Variants in NTRK2 observed in about 807,000 individuals in gnomAD.
The protein encoded by NTRK2 is BDNF/NT-3 growth factors receptor.
A neutral mutation model predicts 94.5 loss-of-function variants in NTRK2; 13 were observed. That is an observed-to-expected ratio of 0.14 (90% CI 0.09 to 0.22). The LOEUF (loss-of-function observed/expected upper bound fraction) is 0.22. Among genes scored for constraint, NTRK2 ranks in the 10% least tolerant of loss-of-function variants. NTRK2 has a pLI of 1.00. For missense variants in NTRK2, 639 were observed against 1,071.2 expected, an observed-to-expected ratio of 0.60 and a Z score of 5.63; for synonymous variants, 372 against 407.4, an observed-to-expected ratio of 0.91 and a Z score of 1.05.
At chr9:84,797,792 A>G (rs1220375687) in intron 12 of NTRK2, among the ~76,000 whole-genome samples, 1 of 76,924 alleles carries the variant, frequency 1.3e-5, no homozygotes, top group African/African-American at 5.1e-5. Flanking sequence ...TATTATATAT[A>G]CTATAATAAT....
chr9:84,962,928 A>G (rs1825125721), intron 17 of NTRK2, among the ~76,000 whole-genome samples: 1 of 152,242 alleles, frequency 6.6e-6, no homozygotes. Context: ...ATGCTACTAA[A>G]GGTGGCTAAG....
At chr9:84,957,239 C>G (rs1824252606) in intron 17 of NTRK2, among the ~76,000 whole-genome samples, 1 of 152,134 alleles carries the variant, frequency 6.6e-6, no homozygotes, top group Non-Finnish European at 1.5e-5. Context: ...GTTCAACGTG[C>G]CTGGCACAAA....
intron 12 of NTRK2, among the ~76,000 whole-genome samples, chr9:84,856,437 G>T (rs1181130397): frequency 6.6e-6 from 1 of 152,206 alleles, no homozygotes; most frequent in African/African-American, 2.4e-5. Context: ...TTATGTGCCA[G>T]TAGGAAAGGG....
intron 2 of NTRK2, among the ~76,000 whole-genome samples, chr9:84,678,082 C>T (rs1208828806): frequency 2.0e-5 from 3 of 152,208 alleles, no homozygotes; most frequent in South Asian, 2.1e-4. Context: ...ATGTGTGTAC[C>T]GTGTTTTCAT....
chr9:84,687,392 T>G (rs2059782897), intron 2 of NTRK2, among the ~76,000 whole-genome samples: 1 of 152,244 alleles, frequency 6.6e-6, no homozygotes, highest in Non-Finnish European at 1.5e-5. Context: ...TATTTTTGTT[T>G]GTTGGAGATC....
chr9:85,011,295 G>A (rs905841169), intron 17 of NTRK2, among the ~76,000 whole-genome samples: 5 of 152,118 alleles, frequency 3.3e-5, no homozygotes, highest in Admixed American at 6.5e-5. Context: ...CCACCTCCTA[G>A]TATTCAGAGC....
intron 14 of NTRK2, among the ~76,000 whole-genome samples, chr9:84,927,492 G>A (rs1480225847): frequency 6.6e-6 from 1 of 151,988 alleles, no homozygotes; most frequent in Non-Finnish European, 1.5e-5. Flanking sequence ...AAATGCTGAG[G>A]CACTTTTAGT....
At chr9:84,788,879 A>G (rs1434484313) in intron 12 of NTRK2, among the ~76,000 whole-genome samples, 1 of 152,130 alleles carries the variant, frequency 6.6e-6, no homozygotes, top group Non-Finnish European at 1.5e-5. Flanking sequence ...AGGAATTAGA[A>G]CACAGCCCAC....
At chr9:84,864,673 G>A (rs2075495147) in intron 13 of NTRK2, among the ~76,000 whole-genome samples, 1 of 151,478 alleles carries the variant, frequency 6.6e-6, no homozygotes, top group East Asian at 1.9e-4. Flanking sequence ...AAGGAAGGGA[G>A]TCAGTGGTGA....
intron 12 of NTRK2, among the ~76,000 whole-genome samples, chr9:84,834,805 G>A (rs2073776151): frequency 1.3e-5 from 2 of 152,164 alleles, no homozygotes; most frequent in African/African-American, 4.8e-5. Flanking sequence ...TAGCTTAGCA[G>A]GGCTGCCTGC....
At chr9:84,936,860 A>T (rs2078229881) in intron 15 of NTRK2, among the ~76,000 whole-genome samples, 1 of 147,698 alleles carries the variant, frequency 6.8e-6, no homozygotes, top group African/African-American at 2.5e-5. Flanking sequence ...TTACATGTGA[A>T]TTTTTTTTTT....
chr9:84,864,504 A>G (rs993716948), intron 13 of NTRK2, among the ~76,000 whole-genome samples: 1 of 152,194 alleles, frequency 6.6e-6, no homozygotes, highest in Non-Finnish European at 1.5e-5. Flanking sequence ...ATTGAAATAA[A>G]AAGAAATTTT....
intron 12 of NTRK2, among the ~76,000 whole-genome samples, chr9:84,843,409 C>T (rs536259938): frequency 2.0e-5 from 3 of 152,318 alleles, no homozygotes; most frequent in African/African-American, 7.2e-5. Context: ...CACTTTCCTT[C>T]CGTTAGAGGT....
At chr9:84,778,772 GGT>G (rs1255439104) in intron 12 of NTRK2, among the ~76,000 whole-genome samples, 7 of 152,226 alleles carry the variant, frequency 4.6e-5, no homozygotes, top group African/African-American at 1.7e-4. Context: ...AGTTCCCGCT[GGT>G]GGACTGTGCC....
At chr9:84,912,304 T>A (rs78805142) in intron 14 of NTRK2, among the ~76,000 whole-genome samples, 7,943 of 152,194 alleles carry the variant, frequency 0.052, 315 homozygotes, top group African/African-American at 0.11. Context: ...TCTTGCTGAT[T>A]TTTTCTGTCT....
At position 84,991,114 on chromosome 9, in the gene NTRK2, C is replaced by T. The variant is rs192839189; in HGVS notation, c.2173-29092C>T. ...TGAAGCGATTTATTAGGAAAGCTCA[C>T]ACCTTATATTGACACATTTCCTCTC... On this transcript the variant is annotated intron_variant, in intron 17 of 18. Transcript: ENST00000277120. Among the ~76,000 whole-genome samples the T allele has an allele frequency of 2.6e-5, 4 of 152,328 alleles. No individual in the cohort carries two copies. The East Asian group carries it at 7.7e-4, about 29-fold the overall frequency.
At chr9:84,953,977 G>A (rs1380410825) in intron 16 of NTRK2, among the ~76,000 whole-genome samples, 3 of 152,194 alleles carry the variant, frequency 2.0e-5, no homozygotes, top group South Asian at 2.1e-4. Flanking sequence ...GTGGGGATAC[G>A]CCTGTGGCTT....
intron 17 of NTRK2, among the ~76,000 whole-genome samples, chr9:84,976,095 G>A (rs1205626527): frequency 6.6e-6 from 1 of 152,104 alleles, no homozygotes; most frequent in East Asian, 1.9e-4. Flanking sequence ...GGGGTCAAGG[G>A]GACAGTCCAA....
At chr9:84,864,540 G>T (rs1378586880) in intron 13 of NTRK2, among the ~76,000 whole-genome samples, 1 of 152,120 alleles carries the variant, frequency 6.6e-6, no homozygotes, top group Non-Finnish European at 1.5e-5. Flanking sequence ...CTGCATTTCT[G>T]GGGGTAAAGG....
Sources: gnomAD v4.1 joint callset for allele counts (sites outside exome capture counted in the v4.1 genomes callset) on GRCh38, gnomAD v4.1.1 for gene constraint, MANE v1.5 for transcripts, NCBI Gene and HGNC (gene_info 2026-07-23, HGNC 2026-07-21) for gene names.